MPRIP: variants seen among roughly 807,000 people sequenced by gnomAD.
The protein encoded by MPRIP is myosin phosphatase Rho interacting protein, also known as myosin phosphatase Rho-interacting protein.
A neutral mutation model predicts 234.9 loss-of-function variants in MPRIP; 59 were observed. The ratio of observed to expected loss-of-function variants is 0.25; its 90% confidence interval spans 0.20 to 0.31. The LOEUF (loss-of-function observed/expected upper bound fraction) is 0.31, where lower values mean the gene tolerates loss of function less well. MPRIP is among the 10% of genes least tolerant of loss of function. The pLI, the probability that MPRIP is intolerant of heterozygous loss-of-function variation, is 1.00. For synonymous variants in MPRIP, 1,144 were observed against 1,263.9 expected (o/e 0.91, Z 2.01); for missense variants, 2,436 against 3,071.0 (o/e 0.79, Z 4.89).
Position 17,138,323 on chromosome 17 carries a change from A to G in MPRIP, c.1144A>G (p.Ser382Gly). ...LADVPKAIRI[S>G]HREAFQVERR... Reference sequence around the variant, plus strand: ...CGACGTCCCTAAGGCCATCAGGATCAGCCACCGAGAAGCCTTCCAGGTGGA... The same window carrying G: ...CGACGTCCCTAAGGCCATCAGGATCGGCCACCGAGAAGCCTTCCAGGTGGA... Residue 382 changes from serine to glycine, a missense_variant, in exon 7 of 24, where the codon AGC (serine) becomes GGC (glycine). This residue lies in a region of MPRIP where 267 missense variants were observed against 252.7 expected (regional missense o/e 1.06). Transcript: ENST00000651222. This position sits in a 1 kb window ranked among gnomAD's most constrained non-coding sequence, Gnocchi z 5.8. 2 of 369,758 alleles carry G rather than the reference A, an allele frequency of 5.4e-6. No individual in the cohort carries two copies. The highest frequency in any genetic ancestry group is 9.6e-6 in the Non-Finnish European group (2 of 207,514). 22.9% of individuals were successfully genotyped at this position (369,758 alleles called of 1,614,324 possible). A position where few individuals can be genotyped will look rare whatever the true frequency, so the allele number is the denominator to read the frequency against.
chr17:17,144,118 T>C (rs1338276144), intron 9 of MPRIP, among the ~76,000 whole-genome samples: 1 of 152,180 alleles, frequency 6.6e-6, no homozygotes, highest in Non-Finnish European at 1.5e-5. Flanking sequence ...GCCTCAGAGC[T>C]ATGACAACAG....
At position 17,165,987 on chromosome 17, in the gene MPRIP, G is replaced by A. The variant is rs1332667494; in HGVS notation, c.4396G>A (p.Gly1466Arg). The part of the protein sequence containing the change: ...RRVEGHVGEL[G>R]DFQVKNSQAL... ...GGTTGAAGGGCATGTTGGAGAGCTT[G>A]GGGACTTCCAGGTCAAGAATAGTCA... is the stretch of plus-strand genomic sequence containing the variant. Residue 1466 changes from glycine to arginine, a missense_variant, in exon 16 of 24, where the codon GGG becomes AGG. Transcript: ENST00000651222. 7.7e-7 allele frequency: 1 copy of A among 1,304,332 alleles called. No individual in the cohort carries two copies. Among genetic ancestry groups the A allele is most frequent in the East Asian group, 5.5e-5 (1 of 18,026 alleles). 80.8% of individuals were successfully genotyped at this position (1,304,332 alleles called of 1,614,324 possible).
intron 3 of MPRIP, among the ~76,000 whole-genome samples, chr17:17,088,619 C>T (rs908581785): frequency 6.6e-6 from 1 of 152,174 alleles, no homozygotes; most frequent in South Asian, 2.1e-4. Context: ...GCAAAGTCCC[C>T]CAGGGGCACA....
chr17:17,090,803 G>C (rs879366690), intron 3 of MPRIP, among the ~76,000 whole-genome samples: 1 of 152,182 alleles, frequency 6.6e-6, no homozygotes, highest in Non-Finnish European at 1.5e-5. Flanking sequence ...TTGAGCCACA[G>C]GTTGGAGACC....
chr17:17,107,316 A>G (rs781399893), intron 3 of MPRIP, among the ~76,000 whole-genome samples: 6 of 152,216 alleles, frequency 3.9e-5, no homozygotes, highest in Non-Finnish European at 8.8e-5. Context: ...TGAAGACAAG[A>G]GTCTTCAGGA....
rs949733208 is a variant in MPRIP, at chr17:17,105,490, A to G, written c.268-21212A>G. ...GCAGTACTGTTCTCGCCCCCTAAGA[A>G]GGAGGTAGAGGTGAGGTCCCTGTTC... On this transcript the variant is annotated intron_variant, in intron 3 of 23. Transcript: ENST00000651222. Among the ~76,000 whole-genome samples the G allele has an allele frequency of 1.1e-4, 16 of 152,172 alleles. 1 individual carries two copies. The highest frequency in any genetic ancestry group is 2.9e-5 in the Non-Finnish European group (2 of 68,026).
At chr17:17,050,804 C>CAGAAGGGAGGAGGGTCCTTGCCAGGGT (rs1370084531) in intron 1 of MPRIP, among the ~76,000 whole-genome samples, 2 of 152,240 alleles carry the variant, frequency 1.3e-5, no homozygotes, top group Non-Finnish European at 2.9e-5. Flanking sequence ...CTTGCCAGGG[C>CAGAAGGGAGGAGGGTCCTTGCCAGGGT]CTCAGGCCTG....
rs2046172658 is a variant in MPRIP at position 17,172,822 on chromosome 17, G to A, written c.6590+7G>A. The A allele has an allele frequency of 6.2e-7, 1 of 1,609,170 alleles. No individual in the cohort carries two copies. Among genetic ancestry groups the A allele is most frequent in the Admixed American group, 1.7e-5 (1 of 59,990 alleles). The stretch of plus-strand genomic sequence containing the variant: ...CCCTGCGGCGCCAGTACCTGTAAGT[G>A]GCTGGGCCTGCCCATCTGCCCTTGG... On this transcript the variant is annotated splice_region_variant and intron_variant, in intron 18 of 23. Coordinates refer to ENST00000651222, the MANE Select transcript of MPRIP (RefSeq NM_001364716.4).
At chr17:17,140,183 C>T (rs1201246848) in intron 7 of MPRIP, among the ~76,000 whole-genome samples, 1 of 152,170 alleles carries the variant, frequency 6.6e-6, no homozygotes, top group African/African-American at 2.4e-5. Flanking sequence ...GTCGTGGTGG[C>T]TCCAGAGCAG....
chr17:17,148,584 A>G (rs937720038), intron 11 of MPRIP, among the ~76,000 whole-genome samples: 3 of 152,222 alleles, frequency 2.0e-5, no homozygotes, highest in African/African-American at 4.8e-5. Flanking sequence ...CAATCTTTAA[A>G]TGCCCATCTT....
intron 17 of MPRIP, among the ~76,000 whole-genome samples, chr17:17,172,287 T>TC (rs1398032847): frequency 6.6e-6 from 1 of 152,224 alleles, no homozygotes; most frequent in African/African-American, 2.4e-5. Context: ...AACAAGCACG[T>TC]CCCCTCCGCC....
At chr17:17,160,751 TG>T (rs2045844641) in intron 14 of MPRIP, among the ~76,000 whole-genome samples, 1 of 152,302 alleles carries the variant, frequency 6.6e-6, no homozygotes, top group East Asian at 1.9e-4. Context: ...GAGGCCTGCT[TG>T]GGGCCACCAC....
At chr17:17,094,962 T>C (rs895622174) in intron 3 of MPRIP, among the ~76,000 whole-genome samples, 1 of 152,104 alleles carries the variant, frequency 6.6e-6, no homozygotes, top group African/African-American at 2.4e-5. Context: ...GAAACTCCTG[T>C]TATTTGGCTA....
At chr17:17,172,192 A>T (rs2046153538) in intron 17 of MPRIP, among the ~76,000 whole-genome samples, 1 of 152,212 alleles carries the variant, frequency 6.6e-6, no homozygotes, top group African/African-American at 2.4e-5. Flanking sequence ...CCCCTGACAG[A>T]CACCTGTCAA....
chr17:17,163,808 T>G (rs2045922847), intron 15 of MPRIP, among the ~76,000 whole-genome samples: 1 of 152,208 alleles, frequency 6.6e-6, no homozygotes, highest in South Asian at 2.1e-4. Flanking sequence ...TTTGTTTTGC[T>G]TCTTAGTGTG....
chr17:17,149,908 G>GT, intron 11 of MPRIP: 1 of 388,218 alleles, frequency 2.6e-6, no homozygotes, highest in South Asian at 3.7e-5. Context: ...ACAGCAGCAT[G>GT]TTTGAGGACC....
chr17:17,100,260 A>G (rs1453783413), intron 3 of MPRIP, among the ~76,000 whole-genome samples: 2 of 152,194 alleles, frequency 1.3e-5, no homozygotes, highest in Non-Finnish European at 2.9e-5. Context: ...TGAATCACCA[A>G]GTTCAGTCTG....
chr17:17,105,467 A>G (rs2090045460), intron 3 of MPRIP, among the ~76,000 whole-genome samples: 1 of 152,180 alleles, frequency 6.6e-6, no homozygotes, highest in Admixed American at 6.5e-5. Context: ...TGACTGGGGC[A>G]GTACTGTTCT....
chr17:17,094,335 T>G (rs2089789899), intron 3 of MPRIP, among the ~76,000 whole-genome samples: 1 of 152,192 alleles, frequency 6.6e-6, no homozygotes. Flanking sequence ...TTTTTTAACT[T>G]TATCATTGGT....
Sources: allele counts gnomAD v4.1 joint callset (sites outside exome capture counted in the v4.1 genomes callset), GRCh38; gene constraint gnomAD v4.1.1; regional missense constraint gnomAD v4.1.1; non-coding constraint Gnocchi (gnomAD v3.1); transcripts MANE v1.5; gene names NCBI Gene and HGNC (gene_info 2026-07-23, HGNC 2026-07-21).